The following SLC4A7 variants were observed in gnomAD, a reference collection of about 807,000 sequenced individuals.
The protein encoded by SLC4A7 is sodium bicarbonate cotransporter 3.
Under a neutral mutation model 137.6 loss-of-function variants are expected in SLC4A7, and 51 were observed. That is an observed-to-expected ratio of 0.37 (90% CI 0.30 to 0.47). The LOEUF (loss-of-function observed/expected upper bound fraction) is 0.47, where lower values mean the gene tolerates loss of function less well. SLC4A7 is among the 20% of genes least tolerant of loss of function. The probability of loss-of-function intolerance (pLI) is 1.00; values close to 1 mark genes in which losing one functional copy is unlikely to be tolerated. For missense variants in SLC4A7, 1,247 were observed against 1,525.4 expected (o/e 0.82, Z 3.04); for synonymous variants, 542 against 518.6 (o/e 1.05, Z -0.61).
chr3:27,411,784 AT>A, intron 11 of SLC4A7, 36 bp from the exon 12 acceptor site: 1 of 1,225,894 alleles, frequency 8.2e-7, no homozygotes, highest in Non-Finnish European at 1.1e-6. Context: ...TCAGAATTCT[AT>A]TTTAAGAAAA....
intron 21 of SLC4A7, 60 bp downstream of exon 21, chr3:27,391,680 T>C: frequency 1.0e-6 from 1 of 985,132 alleles, no homozygotes. Flanking sequence ...ATTAAAACAA[T>C]CTTTGCATAC....
At chr3:27,475,751 G>C (rs1315435776) in intron 1 of SLC4A7, among the ~76,000 whole-genome samples, 7 of 151,932 alleles carry the variant, frequency 4.6e-5, no homozygotes, top group Non-Finnish European at 1.0e-4. Flanking sequence ...AGTTCCTCTT[G>C]GACATTTTAT....
chr3:27,438,890 T>C (rs2056971524), intron 3 of SLC4A7, among the ~76,000 whole-genome samples: 1 of 152,180 alleles, frequency 6.6e-6, no homozygotes, highest in Admixed American at 6.5e-5. Context: ...CTTGGGGTTT[T>C]GGGGTGGAAC....
rs2149976803 is a variant in SLC4A7, at chr3:27,375,701, T to C, written c.*1063A>G. Reference sequence around the variant, plus strand: ...CAAATGTTTATATAATATTTAAGCATCATATCAAAATAAATATTTTAAAAT... The same window carrying C: ...CAAATGTTTATATAATATTTAAGCACCATATCAAAATAAATATTTTAAAAT... On this transcript the variant is annotated 3_prime_UTR_variant, in exon 26 of 26. Transcript: ENST00000454389. 1 of 152,500 alleles carries C rather than the reference T, an allele frequency of 6.6e-6. No individual in the cohort carries two copies. The highest frequency in any genetic ancestry group is 1.5e-5 in the Non-Finnish European group (1 of 67,874). 9.4% of individuals were successfully genotyped at this position (152,500 alleles called of 1,614,324 possible).
chr3:27,386,592 A>AT (rs1163760735), intron 22 of SLC4A7, among the ~76,000 whole-genome samples: 3 of 152,044 alleles, frequency 2.0e-5, no homozygotes. Context: ...TTGTTTATGC[A>AT]TTTATGAGTT....
chr3:27,432,078 G>A (rs1035096752), intron 6 of SLC4A7, among the ~76,000 whole-genome samples: 2 of 152,032 alleles, frequency 1.3e-5, no homozygotes, highest in East Asian at 1.9e-4. Context: ...TATATTTAGC[G>A]TATTTTTCCT....
intron 25 of SLC4A7, 149 bp from the exon 26 acceptor site, chr3:27,376,994 AAACAT>A (rs1431569537): frequency 6.4e-5 from 23 of 359,534 alleles, no homozygotes; most frequent in South Asian, 3.8e-4. Flanking sequence ...CTAAATCAAT[AAACAT>A]AACTGGAAAA....
At chr3:27,389,884 T>C (rs372068668) in intron 22 of SLC4A7, 47 bp downstream of exon 22, 241 of 1,366,698 alleles carry the variant, frequency 1.8e-4, no homozygotes, top group South Asian at 1.2e-3. Context: ...AAAATTACTG[T>C]AAACATATTA....
At chr3:27,476,512 T>C (rs2059464132) in intron 1 of SLC4A7, among the ~76,000 whole-genome samples, 1 of 152,238 alleles carries the variant, frequency 6.6e-6, no homozygotes, top group Admixed American at 6.5e-5. Flanking sequence ...CATGATATCA[T>C]CTGCTATCGT....
At chr3:27,396,573 G>A (rs2052191934) in intron 18 of SLC4A7, among the ~76,000 whole-genome samples, 1 of 151,890 alleles carries the variant, frequency 6.6e-6, no homozygotes. Flanking sequence ...TTTTCCACCT[G>A]TGTACCCTAC....
chr3:27,414,374 A>T (rs2054186159), intron 11 of SLC4A7, among the ~76,000 whole-genome samples: 1 of 152,166 alleles, frequency 6.6e-6, no homozygotes, highest in South Asian at 2.1e-4. Flanking sequence ...TAACTCCCTG[A>T]AACTCAATCT....
chr3:27,403,629 C>G (rs1417816625), intron 14 of SLC4A7, among the ~76,000 whole-genome samples: 2 of 151,892 alleles, frequency 1.3e-5, no homozygotes, highest in African/African-American at 4.8e-5. Flanking sequence ...GTTTATTACA[C>G]TTATATAAAA....
intron 20 of SLC4A7, among the ~76,000 whole-genome samples, chr3:27,393,956 C>T (rs552805929): frequency 6.6e-6 from 1 of 152,178 alleles, no homozygotes; most frequent in Admixed American, 6.5e-5. Flanking sequence ...TTACTGAGGT[C>T]ATTTCCCCTC....
intron 1 of SLC4A7, among the ~76,000 whole-genome samples, chr3:27,465,798 C>CA (rs918302003): frequency 8.0e-5 from 12 of 150,816 alleles, no homozygotes; most frequent in African/African-American, 2.9e-4. Context: ...ACTAAAAATA[C>CA]AAAAAATTAG....
Position 27,394,754 on chromosome 3 carries a change from G to A in SLC4A7, c.2881C>T (p.His961Tyr), listed in dbSNP as rs753271540. The A allele has an allele frequency of 1.2e-6, 2 of 1,614,040 alleles. No individual in the cohort carries two copies. The highest frequency in any genetic ancestry group is 2.2e-5 in the South Asian group (2 of 91,058). The part of the protein sequence containing the change: ...EHKLKKGAGY[H>Y]LDLLMVGVML... ...ACGCCAACCATGAGCAAATCAAGGT[G>A]ATAGCCAGCTCCTTTCTGAAAAGTG... Residue 961 changes from histidine (H) to tyrosine (Y), a missense_variant, in exon 20 of 26, where the codon CAC becomes TAC. Coordinates refer to ENST00000454389, the MANE Select transcript of SLC4A7 (RefSeq NM_001321103.2).
At chr3:27,393,064 A>T (rs1255666702) in intron 20 of SLC4A7, among the ~76,000 whole-genome samples, 2 of 152,136 alleles carry the variant, frequency 1.3e-5, no homozygotes, top group Admixed American at 6.5e-5. Flanking sequence ...GGAGTTGAAG[A>T]AATTTGTAAC....
At chr3:27,479,364 T>C (rs189726576) in intron 1 of SLC4A7, among the ~76,000 whole-genome samples, 479 of 151,632 alleles carry the variant, frequency 3.2e-3, no homozygotes, top group African/African-American at 0.011. Context: ...CAGTGAGCCA[T>C]GATGGTACCA....
At chr3:27,478,379 G>C (rs962403352) in intron 1 of SLC4A7, among the ~76,000 whole-genome samples, 2 of 151,134 alleles carry the variant, frequency 1.3e-5, no homozygotes, top group African/African-American at 4.9e-5. Flanking sequence ...TTAGCCGGGC[G>C]TGGTGGCGTG....
chr3:27,415,443 A>C (rs2054290878), intron 11 of SLC4A7, among the ~76,000 whole-genome samples: 1 of 152,246 alleles, frequency 6.6e-6, no homozygotes, highest in African/African-American at 2.4e-5. Flanking sequence ...TTTGCACAAA[A>C]CAGTTAGCTA....
Sources: gnomAD v4.1 joint callset for allele counts (sites outside exome capture counted in the v4.1 genomes callset) on GRCh38, gnomAD v4.1.1 for gene constraint, MANE v1.5 for transcripts, NCBI Gene and HGNC (gene_info 2026-07-23, HGNC 2026-07-21) for gene names.